The following TMEM108 variants were observed in gnomAD, a reference collection of about 807,000 sequenced individuals.
The protein encoded by TMEM108 is transmembrane protein 108.
TMEM108 carries 12 observed loss-of-function variants against 35.1 expected under a neutral mutation model. That is an observed-to-expected ratio of 0.34 (90% CI 0.22 to 0.55). TMEM108 has a LOEUF of 0.55. Ranked by LOEUF, TMEM108 falls within the 20% of genes least tolerant of loss-of-function variation. TMEM108 has a pLI of 0.89. For missense variants in TMEM108, 680 were observed against 753.3 expected (o/e 0.90, Z 1.14); for synonymous variants, 287 against 308.6 (o/e 0.93, Z 0.73).
At chr3:133,111,952 T>C (rs1478666020) in intron 2 of TMEM108, among the ~76,000 whole-genome samples, 1 of 152,184 alleles carries the variant, frequency 6.6e-6, no homozygotes, top group Non-Finnish European at 1.5e-5. Context: ...GGCAGGTCTG[T>C]ATTGACACTT....
intron 3 of TMEM108, among the ~76,000 whole-genome samples, chr3:133,230,201 T>G (rs1946132428): frequency 6.6e-6 from 1 of 152,206 alleles, no homozygotes; most frequent in African/African-American, 2.4e-5. Context: ...TTGTTAACTT[T>G]TGTTGAGAGA....
At chr3:133,229,228 TC>T in intron 2 of TMEM108, 37 bp from the exon 3 acceptor site, 2 of 1,334,878 alleles carry the variant, frequency 1.5e-6, no homozygotes, top group Non-Finnish European at 2.1e-6. Context: ...TAAATTATGT[TC>T]CTCAGATGTA....
At chr3:133,375,884 G>C (rs1176171568) in intron 3 of TMEM108, among the ~76,000 whole-genome samples, 1 of 152,158 alleles carries the variant, frequency 6.6e-6, no homozygotes, top group East Asian at 1.9e-4. Flanking sequence ...GATTGGATTA[G>C]GTGAAATGCC....
intron 2 of TMEM108, among the ~76,000 whole-genome samples, chr3:133,221,129 A>G (rs1429501924): frequency 6.6e-6 from 1 of 152,138 alleles, no homozygotes; most frequent in African/African-American, 2.4e-5. Flanking sequence ...GAGTTTTATG[A>G]AGGCTTCATC....
chr3:133,103,615 G>C (rs77239864), intron 2 of TMEM108, among the ~76,000 whole-genome samples: 4,669 of 152,210 alleles, frequency 0.031, 125 homozygotes, highest in South Asian at 0.064. Context: ...TCACCTCAGG[G>C]ACAACTATAG....
At chr3:133,373,889 G>T (rs1333218794) in intron 3 of TMEM108, among the ~76,000 whole-genome samples, 2 of 152,230 alleles carry the variant, frequency 1.3e-5, no homozygotes, top group Non-Finnish European at 2.9e-5. Flanking sequence ...CAGCTAGGCA[G>T]CTCTCATCTG....
intron 2 of TMEM108, among the ~76,000 whole-genome samples, chr3:133,133,254 A>T (rs1187536536): frequency 6.6e-6 from 1 of 152,236 alleles, no homozygotes; most frequent in African/African-American, 2.4e-5. Context: ...AAATTGCCAC[A>T]GCCACCCCAA....
intron 2 of TMEM108, among the ~76,000 whole-genome samples, chr3:133,124,438 C>T (rs1272082590): frequency 1.3e-5 from 2 of 152,096 alleles, no homozygotes; most frequent in Admixed American, 6.6e-5. Flanking sequence ...CTGGAGTTAG[C>T]CTAGGGTGAG....
intron 2 of TMEM108, among the ~76,000 whole-genome samples, chr3:133,049,432 A>T (rs1943377921): frequency 6.6e-6 from 1 of 152,200 alleles, no homozygotes; most frequent in African/African-American, 2.4e-5. Flanking sequence ...GTTAGACAGC[A>T]CTGTTTTAGC....
chr3:133,106,827 A>G (rs751243624), intron 2 of TMEM108, among the ~76,000 whole-genome samples: 3 of 152,198 alleles, frequency 2.0e-5, no homozygotes, highest in South Asian at 2.1e-4. Context: ...CAACATGACT[A>G]TACCTTCATG....
At chr3:133,348,701 A>G (rs536972996) in intron 3 of TMEM108, among the ~76,000 whole-genome samples, 2 of 152,272 alleles carry the variant, frequency 1.3e-5, no homozygotes, top group East Asian at 1.9e-4. Flanking sequence ...CCTTTGGCTC[A>G]GTGAGATTTC....
chr3:133,352,696 C>CCT (rs2072040040), intron 3 of TMEM108, among the ~76,000 whole-genome samples: 1 of 152,176 alleles, frequency 6.6e-6, no homozygotes. Context: ...GAAGACGTGC[C>CCT]TAGGGCAAGG....
intron 3 of TMEM108, among the ~76,000 whole-genome samples, chr3:133,275,438 G>A (rs1211227696): frequency 3.3e-5 from 5 of 152,128 alleles, no homozygotes. Context: ...GAAATTCAAT[G>A]TGTATTTTAC....
chr3:133,270,811 ACACACACACT>A (rs1275459230), intron 3 of TMEM108, among the ~76,000 whole-genome samples: 4 of 151,160 alleles, frequency 2.6e-5, no homozygotes, highest in African/African-American at 7.3e-5. Context: ...ACACACACAC[ACACACACACT>A]CACACACTCA....
At chr3:133,044,765 A>G (rs1366900550) in intron 1 of TMEM108, among the ~76,000 whole-genome samples, 1 of 152,182 alleles carries the variant, frequency 6.6e-6, no homozygotes, top group Non-Finnish European at 1.5e-5. Context: ...ACCACCCTGG[A>G]TAACATAGTG....
At chr3:133,280,830 A>G (rs1396017405) in intron 3 of TMEM108, among the ~76,000 whole-genome samples, 1 of 152,230 alleles carries the variant, frequency 6.6e-6, no homozygotes, top group Non-Finnish European at 1.5e-5. Context: ...ATTTGAGACT[A>G]CTTAACTTTA....
In TMEM108 at chr3:133,297,189, G is replaced by T. The variant is rs141134504; in HGVS notation, c.40+67838G>T. Among the ~76,000 whole-genome samples the T allele has an allele frequency of 4.6e-5, 7 of 152,328 alleles. No individual in the cohort carries two copies. The East Asian group carries it at 1.4e-3, about 29-fold the overall frequency. ...TTTGTGTCTTCGCTGTAGTTGCCAG[G>T]ACAGATGTGTGCGTGGCTGAGGCAC... On this transcript the variant is annotated intron_variant, in intron 3 of 5. Transcript: ENST00000321871.
At chr3:133,088,425 G>A (rs1174032516) in intron 2 of TMEM108, among the ~76,000 whole-genome samples, 1 of 152,166 alleles carries the variant, frequency 6.6e-6, no homozygotes, top group Non-Finnish European at 1.5e-5. Context: ...TATAACATTA[G>A]CCTTGAAAGA....
At chr3:133,336,136 A>G (rs2071495436) in intron 3 of TMEM108, among the ~76,000 whole-genome samples, 1 of 152,280 alleles carries the variant, frequency 6.6e-6, no homozygotes, top group East Asian at 1.9e-4. Context: ...TCTAGGTCAC[A>G]AAGACTCCAA....
Sources: gnomAD v4.1 joint callset for allele counts (sites outside exome capture counted in the v4.1 genomes callset) on GRCh38, gnomAD v4.1.1 for gene constraint, MANE v1.5 for transcripts, NCBI Gene and HGNC (gene_info 2026-07-23, HGNC 2026-07-21) for gene names.